Variants in EXOC4 observed in about 807,000 individuals in gnomAD.
The protein encoded by EXOC4 is SEC8-like 1.
A neutral mutation model predicts 107.2 loss-of-function variants in EXOC4; 71 were observed. That is an observed-to-expected ratio of 0.66 (90% CI 0.55 to 0.81). The LOEUF is 0.81. Ranked by LOEUF, EXOC4 falls within the 30% of genes least tolerant of loss-of-function variation. The pLI is 0.00. For synonymous variants in EXOC4, 456 were observed against 441.2 expected, an observed-to-expected ratio of 1.03 and a Z score of -0.42; for missense variants, 1,108 against 1,189.6, an observed-to-expected ratio of 0.93 and a Z score of 1.01.
intron 10 of EXOC4, among the ~76,000 whole-genome samples, chr7:133,779,711 C>T (rs370038101): frequency 4.1e-4 from 63 of 152,228 alleles, no homozygotes; most frequent in South Asian, 2.5e-3. Flanking sequence ...CACCAATCAG[C>T]GCTCTGTAGC....
chr7:133,942,722 A>G (rs1247626179), intron 14 of EXOC4, among the ~76,000 whole-genome samples: 1 of 152,180 alleles, frequency 6.6e-6, no homozygotes, highest in Non-Finnish European at 1.5e-5. Context: ...CTATTAAACC[A>G]TTCCAGCAGG....
At chr7:133,586,384 A>G (rs541278804) in intron 9 of EXOC4, among the ~76,000 whole-genome samples, 4 of 152,284 alleles carry the variant, frequency 2.6e-5, no homozygotes, top group African/African-American at 9.6e-5. Context: ...AATGTCCTCC[A>G]TTACTAGGAT....
intron 11 of EXOC4, among the ~76,000 whole-genome samples, chr7:133,878,036 T>C (rs1016532621): frequency 6.6e-6 from 1 of 152,244 alleles, no homozygotes; most frequent in African/African-American, 2.4e-5. Context: ...TGTCTGGTTT[T>C]CTAATTGCTT....
chr7:133,265,917 G>T (rs752092332), intron 1 of EXOC4, among the ~76,000 whole-genome samples: 1 of 152,144 alleles, frequency 6.6e-6, no homozygotes, highest in Non-Finnish European at 1.5e-5. Context: ...GATTTGCCAA[G>T]AATCTGTGTT....
At chr7:133,604,705 TCTTTC>T (rs1801889579) in intron 9 of EXOC4, among the ~76,000 whole-genome samples, 2 of 119,418 alleles carry the variant, frequency 1.7e-5, no homozygotes, top group African/African-American at 7.1e-5. Context: ...CTTCCTTCCT[TCTTTC>T]TTTTTTTTTT....
chr7:133,385,404 C>T (rs757444771), intron 7 of EXOC4, among the ~76,000 whole-genome samples: 3 of 152,110 alleles, frequency 2.0e-5, no homozygotes, highest in African/African-American at 7.2e-5. Flanking sequence ...AGATAGAGGC[C>T]GGTATTTCAT....
chr7:133,780,611 G>A (rs1177625030), intron 10 of EXOC4, among the ~76,000 whole-genome samples: 2 of 152,106 alleles, frequency 1.3e-5, no homozygotes, highest in South Asian at 4.1e-4. Flanking sequence ...GGAGAGATGT[G>A]TTTTTTTCAT....
intron 10 of EXOC4, among the ~76,000 whole-genome samples, chr7:133,786,293 C>G (rs1325104445): frequency 2.6e-5 from 4 of 152,180 alleles, no homozygotes; most frequent in African/African-American, 7.2e-5. Context: ...TTATCGCTAA[C>G]TCCCAAGCCC....
At chr7:133,965,320 G>T (rs1214777410) in intron 14 of EXOC4, among the ~76,000 whole-genome samples, 1 of 152,306 alleles carries the variant, frequency 6.6e-6, no homozygotes, top group East Asian at 1.9e-4. Context: ...CTGTGCAGAA[G>T]CTCTTTAGTT....
intron 9 of EXOC4, among the ~76,000 whole-genome samples, chr7:133,525,610 G>C (rs1800064356): frequency 6.6e-6 from 1 of 152,060 alleles, no homozygotes. Context: ...TGAATGCAAA[G>C]AGTACAAAAG....
chr7:133,295,754 T>C (rs1051209746), intron 3 of EXOC4, among the ~76,000 whole-genome samples: 4 of 152,160 alleles, frequency 2.6e-5, no homozygotes, highest in African/African-American at 9.6e-5. Context: ...ATGCATCCAC[T>C]GAGAAATGAT....
intron 17 of EXOC4, among the ~76,000 whole-genome samples, chr7:134,011,785 TAAA>T (rs58603369): frequency 7.2e-5 from 10 of 138,230 alleles, no homozygotes; most frequent in Non-Finnish European, 6.3e-5. Context: ...ATGCTGTAGT[TAAA>T]AAAAAAAAAA....
chr7:133,554,110 T>C (rs909037866), intron 9 of EXOC4, among the ~76,000 whole-genome samples: 1 of 152,156 alleles, frequency 6.6e-6, no homozygotes, highest in African/African-American at 2.4e-5. Context: ...TCCTTTATAT[T>C]AGCTTTTCTT....
intron 10 of EXOC4, among the ~76,000 whole-genome samples, chr7:133,715,846 C>T (rs1455988880): frequency 1.3e-5 from 2 of 152,018 alleles, no homozygotes; most frequent in Non-Finnish European, 2.9e-5. Context: ...TACTATAGAC[C>T]CATGAGGCTG....
intron 9 of EXOC4, among the ~76,000 whole-genome samples, chr7:133,492,561 C>G (rs1224693216): frequency 6.6e-6 from 1 of 152,152 alleles, no homozygotes; most frequent in Non-Finnish European, 1.5e-5. Flanking sequence ...TACTCATAAC[C>G]ATTCCTCTTC....
intron 10 of EXOC4, among the ~76,000 whole-genome samples, chr7:133,763,184 A>G (rs1259462712): frequency 6.6e-6 from 1 of 152,130 alleles, no homozygotes; most frequent in African/African-American, 2.4e-5. Flanking sequence ...TGGTGTCAAC[A>G]TGTATCCATT....
intron 9 of EXOC4, among the ~76,000 whole-genome samples, chr7:133,599,909 TTTTTTTG>T (rs1295637489): frequency 2.4e-4 from 28 of 116,992 alleles, no homozygotes; most frequent in African/African-American, 7.6e-4. Context: ...TTTTTTTTTT[TTTTTTTG>T]GGAGACAGGG....
intron 13 of EXOC4, among the ~76,000 whole-genome samples, chr7:133,919,749 T>C (rs138106629): frequency 6.6e-6 from 1 of 152,338 alleles, no homozygotes; most frequent in East Asian, 1.9e-4. Context: ...CTGAATTATG[T>C]TCCATTTCAT....
At chr7:133,920,458 T>G (rs2116648619) in intron 13 of EXOC4, among the ~76,000 whole-genome samples, 1 of 152,346 alleles carries the variant, frequency 6.6e-6, no homozygotes, top group Admixed American at 6.5e-5. Context: ...TCTTTTACCA[T>G]ATTAGTTATA....
Sources: gnomAD v4.1 joint callset for allele counts (sites outside exome capture counted in the v4.1 genomes callset) on GRCh38, gnomAD v4.1.1 for gene constraint, MANE v1.5 for transcripts, NCBI Gene and HGNC (gene_info 2026-07-23, HGNC 2026-07-21) for gene names.